The following WWP1 variants were observed in gnomAD, a reference collection of about 807,000 sequenced individuals.
WWP1 encodes WW domain containing E3 ubiquitin protein ligase 1.
Under a neutral mutation model 130.6 loss-of-function variants are expected in WWP1, and 49 were observed. The ratio of observed to expected loss-of-function variants is 0.38; its 90% CI spans 0.30 to 0.48. The LOEUF is 0.48. Ranked by LOEUF, WWP1 falls within the 20% of genes least tolerant of loss-of-function variation. The pLI is 0.99. For missense variants in WWP1, 809 were observed against 1,100.6 expected, an observed-to-expected ratio of 0.74 and a Z score of 3.75; for synonymous variants, 332 against 367.8, an observed-to-expected ratio of 0.90 and a Z score of 1.11.
intron 5 of WWP1, among the ~76,000 whole-genome samples, chr8:86,385,035 A>G (rs950189692): frequency 1.3e-5 from 2 of 152,116 alleles, no homozygotes; most frequent in African/African-American, 4.8e-5. Context: ...AAAAAAAAAA[A>G]AAGTAAACAA....
chr8:86,365,116 A>G (rs1413358016), intron 1 of WWP1, among the ~76,000 whole-genome samples: 1 of 152,192 alleles, frequency 6.6e-6, no homozygotes, highest in African/African-American at 2.4e-5. Flanking sequence ...TCAGAAAAAA[A>G]TCTATGTATT....
At chr8:86,465,864 G>T (rs1197618940) in intron 24 of WWP1, among the ~76,000 whole-genome samples, 1 of 152,094 alleles carries the variant, frequency 6.6e-6, no homozygotes, top group Non-Finnish European at 1.5e-5. Flanking sequence ...AAAATACAAA[G>T]AATACAGTCT....
At chr8:86,387,764 T>G (rs1825375103) in intron 5 of WWP1, among the ~76,000 whole-genome samples, 1 of 152,194 alleles carries the variant, frequency 6.6e-6, no homozygotes, top group South Asian at 2.1e-4. Flanking sequence ...CCTCAAGTGA[T>G]CTGCCTGCCT....
At chr8:86,447,610 G>A (rs1393194675) in intron 18 of WWP1, among the ~76,000 whole-genome samples, 2 of 152,116 alleles carry the variant, frequency 1.3e-5, no homozygotes, top group Admixed American at 6.5e-5. Context: ...TCTAAACTGA[G>A]TAAGGGAAGA....
At chr8:86,466,256 A>G (rs1399094257) in intron 24 of WWP1, among the ~76,000 whole-genome samples, 1 of 152,242 alleles carries the variant, frequency 6.6e-6, no homozygotes, top group African/African-American at 2.4e-5. Context: ...AGATTGAAAA[A>G]GTGTCATTTT....
At chr8:86,371,582 C>A (rs938766810) in intron 2 of WWP1, among the ~76,000 whole-genome samples, 1 of 152,180 alleles carries the variant, frequency 6.6e-6, no homozygotes, top group East Asian at 1.9e-4. Context: ...CTCTGATGGG[C>A]AGTGAGATTC....
At chr8:86,348,730 T>C (rs1366536363) in intron 1 of WWP1, among the ~76,000 whole-genome samples, 2 of 152,204 alleles carry the variant, frequency 1.3e-5, no homozygotes, top group East Asian at 1.9e-4. Context: ...GTGTAATTAA[T>C]TATACCTCTC....
chr8:86,454,797 T>C (rs1435370556), intron 21 of WWP1, among the ~76,000 whole-genome samples: 2 of 152,034 alleles, frequency 1.3e-5, no homozygotes, highest in Non-Finnish European at 2.9e-5. Flanking sequence ...TACTGCCCTG[T>C]ATGTGGGAAG....
At chr8:86,405,853 AAG>A (rs145797818) in intron 8 of WWP1, among the ~76,000 whole-genome samples, 110,791 of 151,852 alleles carry the variant, frequency 0.73, 41,276 homozygotes, top group African/African-American at 0.82. Flanking sequence ...CTAAATTCCA[AAG>A]AAAGTTATGA....
chr8:86,390,839 A>G (rs1473986834), intron 5 of WWP1, among the ~76,000 whole-genome samples: 1 of 152,106 alleles, frequency 6.6e-6, no homozygotes, highest in Non-Finnish European at 1.5e-5. Flanking sequence ...TAGATTTTGC[A>G]GTTATTGAGG....
chr8:86,385,191 G>A (rs954498456), intron 5 of WWP1, among the ~76,000 whole-genome samples: 6 of 152,154 alleles, frequency 3.9e-5, no homozygotes, highest in African/African-American at 1.4e-4. Context: ...ATGTTTCTGA[G>A]GTGTGCTCTA....
At chr8:86,439,987 A>C (rs1042510686) in intron 17 of WWP1, among the ~76,000 whole-genome samples, 1 of 152,210 alleles carries the variant, frequency 6.6e-6, no homozygotes, top group Admixed American at 6.5e-5. Flanking sequence ...GAATTATCAG[A>C]GTTTTGTTTA....
rs750571078 is a variant in WWP1, at chr8:86,381,588, C to T, written c.293C>T (p.Thr98Met). 3.1e-5 allele frequency: 50 copies of T among 1,608,734 alleles called. No individual in the cohort carries two copies. Among genetic ancestry groups the T allele is most frequent in the Admixed American group, 1.9e-4 (11 of 58,252 alleles). Residue 98 changes from threonine to methionine, a missense_variant, in exon 5 of 25, where the codon ACG becomes ATG. Transcript: ENST00000517970. ...LKADALLGKATIDLKQALLIH... is the reference protein window; with the variant it reads ...LKADALLGKAMIDLKQALLIH... ...GCAGATGCTTTATTAGGAAAAGCAA[C>T]GATAGATTTGAAACAAGCTCTGTTG...
intron 3 of WWP1, among the ~76,000 whole-genome samples, chr8:86,375,619 T>G (rs1474548649): frequency 6.6e-6 from 1 of 152,224 alleles, no homozygotes; most frequent in Non-Finnish European, 1.5e-5. Context: ...ATATTCTTTT[T>G]CATCATTGCG....
At chr8:86,464,928 TG>T (rs1811965999) in intron 24 of WWP1, among the ~76,000 whole-genome samples, 1 of 152,002 alleles carries the variant, frequency 6.6e-6, no homozygotes, top group Admixed American at 6.6e-5. Flanking sequence ...CGCGTGTGTG[TG>T]TGTATTGAGA....
chr8:86,392,863 T>C (rs1807434129), intron 5 of WWP1, among the ~76,000 whole-genome samples: 2 of 152,328 alleles, frequency 1.3e-5, no homozygotes, highest in African/African-American at 4.8e-5. Flanking sequence ...TTTTTTTGTA[T>C]TGAAATTACT....
At chr8:86,455,172 T>G (rs1811369753) in intron 21 of WWP1, among the ~76,000 whole-genome samples, 1 of 152,062 alleles carries the variant, frequency 6.6e-6, no homozygotes, top group African/African-American at 2.4e-5. Flanking sequence ...ATAAGGCAAC[T>G]TTCTTAGTTT....
chr8:86,462,711 C>T (rs778286535), intron 24 of WWP1, among the ~76,000 whole-genome samples: 1 of 152,036 alleles, frequency 6.6e-6, no homozygotes, highest in Non-Finnish European at 1.5e-5. Flanking sequence ...TTCAAGAGGT[C>T]AAAACTATTT....
chr8:86,431,539 G>GAACC (rs1248422623), intron 13 of WWP1, 49 bp downstream of exon 13: 1 of 1,611,520 alleles, frequency 6.2e-7, no homozygotes, highest in Non-Finnish European at 8.5e-7. Context: ...TCAGTAGGTA[G>GAACC]AACCAACCAA....
Sources: gnomAD v4.1 joint callset for allele counts (sites outside exome capture counted in the v4.1 genomes callset) on GRCh38, gnomAD v4.1.1 for gene constraint, MANE v1.5 for transcripts, NCBI Gene and HGNC (gene_info 2026-07-23, HGNC 2026-07-21) for gene names.